Variants in FHL2 observed in about 807,000 individuals in gnomAD.
FHL2 encodes the protein four and a half LIM domains protein 2.
FHL2 carries 20 observed loss-of-function variants against 32.7 expected under a neutral mutation model. That is an observed-to-expected ratio of 0.61 (90% CI 0.43 to 0.89). The LOEUF (loss-of-function observed/expected upper bound fraction) is 0.89. Ranked by LOEUF, FHL2 falls within the 40% of genes least tolerant of loss-of-function variation. The probability of loss-of-function intolerance (pLI) is 0.00; values close to 1 mark genes in which losing one functional copy is unlikely to be tolerated. For synonymous variants in FHL2, 123 were observed against 128.1 expected (o/e 0.96, Z 0.27); for missense variants, 311 against 358.6 (o/e 0.87, Z 1.07).
At chr2:105,403,660 GATTTGA>G (rs1683541381), upstream of FHL2, among the ~76,000 whole-genome samples, 1 of 152,218 alleles carries the variant, frequency 6.6e-6, no homozygotes, top group South Asian at 2.1e-4. Flanking sequence ...GACTAAAGGT[GATTTGA>G]AGTAAAATAA....
At chr2:105,358,600 C>T (rs1271825870), downstream of FHL2, 1 of 152,212 alleles carries the variant, frequency 6.6e-6, no homozygotes, top group Non-Finnish European at 1.5e-5. Flanking sequence ...ACTCACTGTT[C>T]TTTCTAAGAC....
At chr2:105,414,539 G>T (rs1683879134) in intron 1 of FHL2, among the ~76,000 whole-genome samples, 2 of 152,048 alleles carry the variant, frequency 1.3e-5, no homozygotes. Flanking sequence ...AGATTTAAAG[G>T]TTTTTGTTTG....
intron 1 of FHL2, among the ~76,000 whole-genome samples, chr2:105,404,792 A>C (rs1357505090): frequency 6.6e-6 from 1 of 152,190 alleles, no homozygotes; most frequent in Non-Finnish European, 1.5e-5. Context: ...CTCTTTCTTG[A>C]GATACACAAT....
At chr2:105,413,765 C>A (rs886729793) in intron 1 of FHL2, among the ~76,000 whole-genome samples, 12 of 152,220 alleles carry the variant, frequency 7.9e-5, no homozygotes, top group Non-Finnish European at 1.8e-4. Context: ...CAAGTGTGAG[C>A]CATCACGCCC....
In FHL2 at chr2:105,405,030, C is replaced by T. The variant is rs537770625; in HGVS notation, c.-24-18490G>A. ...AAGACTCTGTTTGGTACATTAATGA[C>T]CAATAGAATGAAACTATTCACACCC... On this transcript the variant is annotated intron_variant, in intron 1 of 5. Transcript: ENST00000393352. 7.2e-5 allele frequency among the ~76,000 whole-genome samples: 11 copies of T among 152,198 alleles called. No homozygotes were observed. In the South Asian group the frequency reaches 8.3e-4, roughly 11 times the overall value.
At chr2:105,388,529 A>G (rs570519744) in intron 2 of FHL2, among the ~76,000 whole-genome samples, 131 of 152,236 alleles carry the variant, frequency 8.6e-4, no homozygotes, top group African/African-American at 3.0e-3. Flanking sequence ...CTGTTCTTAA[A>G]TAGGTACACT....
At chr2:105,402,106 CACGT>C (rs1683489254), upstream of FHL2, among the ~76,000 whole-genome samples, 1 of 146,398 alleles carries the variant, frequency 6.8e-6, no homozygotes, top group East Asian at 2.1e-4. Context: ...TGTATATATA[CACGT>C]ATATATACAT....
chr2:105,431,639 G>GAT (rs1684435305), intron 1 of FHL2, among the ~76,000 whole-genome samples: 5 of 152,230 alleles, frequency 3.3e-5, no homozygotes, highest in Non-Finnish European at 5.9e-5. Context: ...ATCATGTAGG[G>GAT]CTCTGTTGGC....
At chr2:105,415,788 C>T (rs1308988392) in intron 1 of FHL2, among the ~76,000 whole-genome samples, 3 of 152,224 alleles carry the variant, frequency 2.0e-5, no homozygotes, top group African/African-American at 4.8e-5. Context: ...TAAGTTATTT[C>T]TTTGTGGCCC....
chr2:105,395,351 C>T (rs533090133), intron 2 of FHL2, among the ~76,000 whole-genome samples: 25 of 152,198 alleles, frequency 1.6e-4, no homozygotes, highest in African/African-American at 5.5e-4. Flanking sequence ...GAGTGAGTTA[C>T]GAACACTTCT....
intron 3 of FHL2, among the ~76,000 whole-genome samples, chr2:105,381,186 C>A (rs1330138504): frequency 6.6e-6 from 1 of 152,162 alleles, no homozygotes; most frequent in African/African-American, 2.4e-5. Context: ...GACATGGATT[C>A]TCATGTCATT....
chr2:105,387,928 A>G (rs1210914338), intron 2 of FHL2, among the ~76,000 whole-genome samples: 1 of 152,248 alleles, frequency 6.6e-6, no homozygotes, highest in African/African-American at 2.4e-5. Flanking sequence ...TGCAGCCACA[A>G]AAAAGAATGA....
chr2:105,363,284 C>G lies in FHL2; in HGVS notation c.688+1G>C. On this transcript the variant is annotated splice_donor_variant, in intron 6 of 6. Coordinates refer to ENST00000530340, the MANE Select transcript of FHL2 (RefSeq NM_001318895.3). LOFTEE classifies it high-confidence loss of function. ...GGAAATGGGAACCCCGGGACACTCA[C>G]CGCTGATGGGGTTGGTGCACCCAGC... is the stretch of plus-strand genomic sequence containing the variant. The G allele has an allele frequency of 6.2e-7, 1 of 1,614,008 alleles. No individual in the cohort carries two copies. The highest frequency in any genetic ancestry group is 8.5e-7 in the Non-Finnish European group (1 of 1,179,914).
upstream of FHL2, among the ~76,000 whole-genome samples, chr2:105,403,795 A>G (rs1683546470): frequency 6.6e-6 from 1 of 152,256 alleles, no homozygotes; most frequent in East Asian, 1.9e-4. Context: ...GACTAGACTC[A>G]GGAACTCTAA....
At chr2:105,428,215 C>T (rs905445870) in intron 1 of FHL2, among the ~76,000 whole-genome samples, 15 of 152,152 alleles carry the variant, frequency 9.9e-5, no homozygotes, top group Non-Finnish European at 1.5e-5. Flanking sequence ...CTGAGCCACC[C>T]CCAAGTGAGT....
rs562087131 is a variant in FHL2 at position 105,431,788 on chromosome 2, G to T, written c.-25+6611C>A. The stretch of plus-strand genomic sequence containing the variant: ...CCTGTGGTTAAATTGGGCTCACATT[G>T]GCCTCTGGGGTTGCCTGGCTGCTCC... On this transcript the variant is annotated intron_variant, in intron 1 of 5. Coordinates refer to the FHL2 transcript ENST00000393352. 7.9e-5 allele frequency among the ~76,000 whole-genome samples: 12 copies of T among 152,288 alleles called. No individual in the cohort carries two copies. In the South Asian group the frequency reaches 1.2e-3, roughly 16 times the overall value.
At chr2:105,370,372 C>T (rs1319930559) in intron 4 of FHL2, among the ~76,000 whole-genome samples, 1 of 147,140 alleles carries the variant, frequency 6.8e-6, no homozygotes, top group Non-Finnish European at 1.5e-5. Context: ...GAGATCCTGG[C>T]TCAAAAAAAA....
chr2:105,432,112 C>T (rs1002314267), intron 1 of FHL2, among the ~76,000 whole-genome samples: 4 of 152,186 alleles, frequency 2.6e-5, no homozygotes, highest in Non-Finnish European at 4.4e-5. Flanking sequence ...TTCCTTGCTG[C>T]CTGCAGAGAT....
chr2:105,422,357 T>C (rs1167292867), intron 1 of FHL2, among the ~76,000 whole-genome samples: 1 of 152,166 alleles, frequency 6.6e-6, no homozygotes, highest in African/African-American at 2.4e-5. Flanking sequence ...TGCATGGGAA[T>C]TGCAGGGGCC....
Sources: allele counts gnomAD v4.1 joint callset (sites outside exome capture counted in the v4.1 genomes callset), GRCh38; gene constraint gnomAD v4.1.1; transcripts MANE v1.5; gene names NCBI Gene and HGNC (gene_info 2026-07-23, HGNC 2026-07-21).